SCHIP1: variants seen among roughly 807,000 people sequenced by gnomAD.
SCHIP1 encodes the protein schwannomin interacting protein 1.
Under a neutral mutation model 29.7 loss-of-function variants are expected in SCHIP1, and 8 were observed. The ratio of observed to expected loss-of-function variants is 0.27; its 90% CI spans 0.16 to 0.49. The LOEUF is 0.49. SCHIP1 is among the 20% of genes least tolerant of loss of function. The pLI, the probability that SCHIP1 is intolerant of heterozygous loss-of-function variation, is 0.99. For synonymous variants in SCHIP1, 76 were observed against 94.9 expected (o/e 0.80, Z 1.16); for missense variants, 193 against 294.6 (o/e 0.66, Z 2.52).
At chr3:159,346,698 T>C in the SCHIP1 span, among the ~76,000 whole-genome samples, 1 of 152,060 alleles carries the variant, frequency 6.6e-6, no homozygotes, top group East Asian at 1.9e-4. Flanking sequence ...AGCACCCCCT[T>C]TGGGTGAGGG....
At chr3:159,705,293 TG>T in the SCHIP1 span, among the ~76,000 whole-genome samples, 4 of 152,086 alleles carry the variant, frequency 2.6e-5, no homozygotes, top group African/African-American at 7.2e-5. Flanking sequence ...AAATTAATTT[TG>T]GGTTTTTCTT....
the SCHIP1 span, among the ~76,000 whole-genome samples, chr3:159,769,848 C>T: frequency 2.6e-5 from 4 of 152,306 alleles, no homozygotes; most frequent in South Asian, 8.3e-4. Flanking sequence ...TGAGTTTTGA[C>T]ATATGTATGG....
At chr3:159,503,835 C>G in the SCHIP1 span, among the ~76,000 whole-genome samples, 19 of 152,160 alleles carry the variant, frequency 1.2e-4, no homozygotes, top group African/African-American at 4.3e-4. Flanking sequence ...CTAACATTTA[C>G]TGAGTAACCC....
chr3:159,561,970 G>C, the SCHIP1 span, among the ~76,000 whole-genome samples: 1 of 152,106 alleles, frequency 6.6e-6, no homozygotes, highest in African/African-American at 2.4e-5. Flanking sequence ...AAAGCAGAAG[G>C]AATTATTTTC....
intron 2 of SCHIP1, among the ~76,000 whole-genome samples, chr3:159,882,508 T>A (rs1383733143): frequency 6.6e-6 from 1 of 152,082 alleles, no homozygotes; most frequent in Non-Finnish European, 1.5e-5. Flanking sequence ...ACCAGCCCAA[T>A]CCCGGTCACT....
At chr3:159,306,935 A>C in the SCHIP1 span, among the ~76,000 whole-genome samples, 1 of 152,208 alleles carries the variant, frequency 6.6e-6, no homozygotes, top group East Asian at 1.9e-4. Flanking sequence ...TTTTATGTTT[A>C]TATCCCTTGA....
the SCHIP1 span, among the ~76,000 whole-genome samples, chr3:159,756,889 C>T: frequency 1.3e-5 from 2 of 152,216 alleles, no homozygotes; most frequent in Admixed American, 1.3e-4. Context: ...CACCTTTGCT[C>T]CAGTTCCCAA....
At chr3:159,674,290 G>A in the SCHIP1 span, among the ~76,000 whole-genome samples, 1 of 152,104 alleles carries the variant, frequency 6.6e-6, no homozygotes, top group Non-Finnish European at 1.5e-5. Flanking sequence ...ACAAACTGTG[G>A]CTAGAAGGGT....
the SCHIP1 span, among the ~76,000 whole-genome samples, chr3:159,615,782 T>A: frequency 6.6e-6 from 1 of 152,362 alleles, no homozygotes; most frequent in South Asian, 2.1e-4. Flanking sequence ...ATGACAGTAC[T>A]ATTTACAAAG....
chr3:159,392,635 C>T, the SCHIP1 span, among the ~76,000 whole-genome samples: 2 of 152,032 alleles, frequency 1.3e-5, no homozygotes, highest in Admixed American at 6.6e-5. Flanking sequence ...CTACAAAGGA[C>T]ATGAACTCAT....
At chr3:159,500,137 T>C in the SCHIP1 span, among the ~76,000 whole-genome samples, 48 of 152,132 alleles carry the variant, frequency 3.2e-4, 1 homozygote, top group East Asian at 7.9e-3. Flanking sequence ...TCCAGTTTTT[T>C]GTTTTTTTGT....
At chr3:159,879,516 C>T (rs1716223647) in intron 2 of SCHIP1, among the ~76,000 whole-genome samples, 1 of 152,138 alleles carries the variant, frequency 6.6e-6, no homozygotes, top group Admixed American at 6.5e-5. Context: ...AAAACAGTAA[C>T]TTTTAATTTC....
chr3:159,474,997 A>C, the SCHIP1 span, among the ~76,000 whole-genome samples: 26 of 152,194 alleles, frequency 1.7e-4, no homozygotes, highest in Admixed American at 1.5e-3. Context: ...TTGCAGGTGG[A>C]AATGTAAAAT....
chr3:159,371,761 T>C, the SCHIP1 span, among the ~76,000 whole-genome samples: 2 of 152,202 alleles, frequency 1.3e-5, no homozygotes, highest in African/African-American at 2.4e-5. Context: ...AGATTATTTA[T>C]AATACCTAGT....
the SCHIP1 span, among the ~76,000 whole-genome samples, chr3:159,517,698 G>A: frequency 8.6e-5 from 13 of 151,540 alleles, no homozygotes; most frequent in Admixed American, 1.3e-4. Context: ...TATATATATA[G>A]TATATATCTA....
the SCHIP1 span, among the ~76,000 whole-genome samples, chr3:159,429,391 C>T: frequency 6.6e-6 from 1 of 151,970 alleles, no homozygotes; most frequent in African/African-American, 2.4e-5. Context: ...GGTAAATCTT[C>T]CCATCACCAA....
chr3:159,706,808 G>T, the SCHIP1 span, among the ~76,000 whole-genome samples: 40 of 152,314 alleles, frequency 2.6e-4, no homozygotes, highest in South Asian at 1.5e-3. Context: ...GGTTAAAATG[G>T]TGCTAAAGGA....
chr3:159,372,928 C>T, the SCHIP1 span, among the ~76,000 whole-genome samples: 1 of 151,994 alleles, frequency 6.6e-6, no homozygotes, highest in Non-Finnish European at 1.5e-5. Flanking sequence ...AGAATATTTA[C>T]CACATATCTT....
the SCHIP1 span, among the ~76,000 whole-genome samples, chr3:159,326,882 C>A: frequency 5.9e-5 from 9 of 152,168 alleles, no homozygotes; most frequent in South Asian, 6.2e-4. Flanking sequence ...AGGCACCAAG[C>A]AGATCCAGAT....
Sources: gnomAD v4.1 joint callset for allele counts (sites outside exome capture counted in the v4.1 genomes callset) on GRCh38, gnomAD v4.1.1 for gene constraint, MANE v1.5 for transcripts, NCBI Gene and HGNC (gene_info 2026-07-23, HGNC 2026-07-21) for gene names.